SAXO1: variants seen among roughly 807,000 people sequenced by gnomAD.
SAXO1 encodes the protein 4930500O09Rik.
Under a neutral mutation model 17.5 loss-of-function variants are expected in SAXO1, and 21 were observed. The observed-to-expected ratio is 1.20, with a 90% CI of 0.85 to 1.72. The LOEUF (loss-of-function observed/expected upper bound fraction) is 1.72, where lower values mean the gene tolerates loss of function less well. SAXO1 is among the 40% of genes most tolerant of loss of function. SAXO1 has a pLI of 0.00. For missense variants in SAXO1, 843 were observed against 596.0 expected, an observed-to-expected ratio of 1.41 and a Z score of -4.32; for synonymous variants, 274 against 216.5, an observed-to-expected ratio of 1.27 and a Z score of -2.33.
intron 1 of SAXO1, among the ~76,000 whole-genome samples, chr9:18,982,358 C>T (rs768294037): frequency 6.6e-6 from 1 of 152,146 alleles, no homozygotes; most frequent in African/African-American, 2.4e-5. Flanking sequence ...AATAAAATTC[C>T]CTCCCCAGGG....
At chr9:19,033,664 C>T (rs987253915), upstream of SAXO1, among the ~76,000 whole-genome samples, 4 of 152,218 alleles carry the variant, frequency 2.6e-5, no homozygotes, top group Non-Finnish European at 5.9e-5. Context: ...GGTTTAAGAG[C>T]GCCCAGGCCT....
At chr9:19,003,476 C>A (rs550596717) in intron 1 of SAXO1, among the ~76,000 whole-genome samples, 37 of 152,284 alleles carry the variant, frequency 2.4e-4, no homozygotes, top group Admixed American at 2.0e-3. Context: ...AGGCATCATG[C>A]TACCTGACTT....
At chr9:18,994,501 C>A (rs1449589024) in intron 1 of SAXO1, among the ~76,000 whole-genome samples, 1 of 152,108 alleles carries the variant, frequency 6.6e-6, no homozygotes, top group Non-Finnish European at 1.5e-5. Context: ...AGCAGTCACG[C>A]TGCATCTCTC....
At chr9:18,970,446 T>G (rs1367432588) in intron 1 of SAXO1, among the ~76,000 whole-genome samples, 2 of 152,152 alleles carry the variant, frequency 1.3e-5, no homozygotes, top group Non-Finnish European at 2.9e-5. Context: ...GAGGTCAGAT[T>G]AACCCCAAGC....
At chr9:19,028,041 C>G (rs1835581214) in intron 1 of SAXO1, 1 of 1,610,882 alleles carries the variant, frequency 6.2e-7, no homozygotes, top group African/African-American at 1.3e-5. Flanking sequence ...TCGCACTGCG[C>G]AGGGGTGCCA....
At chr9:19,043,470 G>C (rs376885966) in intron 1 of SAXO1, among the ~76,000 whole-genome samples, 41 of 151,604 alleles carry the variant, frequency 2.7e-4, no homozygotes, top group African/African-American at 9.9e-4. Flanking sequence ...GAAAGAAGGA[G>C]TAAGACCTAG....
At chr9:18,938,840 G>GTGTGTGTGTGTGTA in intron 3 of SAXO1, among the ~76,000 whole-genome samples, 1 of 148,230 alleles carries the variant, frequency 6.7e-6, no homozygotes, top group South Asian at 2.1e-4. Context: ...GTGTGTGTGT[G>GTGTGTGTGTGTGTA]TGTGTGTGTG....
chr9:19,040,981 T>C (rs538888794), intron 1 of SAXO1, among the ~76,000 whole-genome samples: 10 of 141,726 alleles, frequency 7.1e-5, no homozygotes, highest in Non-Finnish European at 1.1e-4. Context: ...GGCATCCAAA[T>C]TGGAAAAAAA....
intron 1 of SAXO1, among the ~76,000 whole-genome samples, chr9:18,994,141 G>C (rs1362831045): frequency 6.6e-6 from 1 of 152,238 alleles, no homozygotes; most frequent in East Asian, 1.9e-4. Flanking sequence ...CAAAAATACA[G>C]GAAAAATTCA....
intron 1 of SAXO1, among the ~76,000 whole-genome samples, chr9:19,012,691 G>C (rs1164760835): frequency 3.5e-5 from 5 of 143,010 alleles, no homozygotes; most frequent in Non-Finnish European, 6.2e-5. Context: ...ACTCAGACAA[G>C]CAACCTGTGA....
chr9:19,028,239 A>T, intron 1 of SAXO1: 1 of 801,924 alleles, frequency 1.2e-6, no homozygotes, highest in Non-Finnish European at 2.0e-6. Flanking sequence ...AGCCGGCCGT[A>T]GTGGCGGGCG....
In SAXO1 at chr9:18,928,865, C is replaced by T; in HGVS notation, c.612G>A (p.Val204=). The part of the protein sequence containing the change: ...PKLCNIPLED[V]TNYKMSYVAH... ...CCACATAGCTCATCTTGTAGTTAGT[C>T]ACATCCTCCAAGGGGATGTTACAGA... The change falls in exon 4 of 4, where the codon GTG becomes GTA. Residue 204 remains valine (V), a synonymous_variant. Transcript: ENST00000380534. 1.9e-6 allele frequency: 3 copies of T among 1,614,166 alleles called. No individual in the cohort carries two copies. The highest frequency in any genetic ancestry group is 2.5e-6 in the Non-Finnish European group (3 of 1,180,032).
At position 19,014,093 on chromosome 9, in the gene SAXO1, G is replaced by A. The variant is rs190692544; in HGVS notation, c.38+18778C>T. Among the ~76,000 whole-genome samples the A allele has an allele frequency of 4.6e-5, 7 of 152,204 alleles. No individual in the cohort carries two copies. In the East Asian group the frequency reaches 5.8e-4, roughly 13 times the overall value. On this transcript the variant is annotated intron_variant, in intron 1 of 3. Coordinates refer to ENST00000380534, the MANE Select transcript of SAXO1 (RefSeq NM_153707.4). Reference sequence around the variant, plus strand: ...ACAGGCAGCATGAGGAGGAATGGCTGGAAAGGTAGAGTAGGGGCTTGATTA... The same window carrying A: ...ACAGGCAGCATGAGGAGGAATGGCTAGAAAGGTAGAGTAGGGGCTTGATTA...
chr9:18,956,072 C>A (rs1472859310), intron 1 of SAXO1, among the ~76,000 whole-genome samples: 1 of 151,190 alleles, frequency 6.6e-6, no homozygotes, highest in Non-Finnish European at 1.5e-5. Context: ...TCCTAAGTAG[C>A]TGGGACTACA....
intron 3 of SAXO1, among the ~76,000 whole-genome samples, chr9:18,931,894 A>G (rs766010600): frequency 2.0e-4 from 31 of 152,200 alleles, no homozygotes; most frequent in Non-Finnish European, 3.8e-4. Context: ...AATTCTTTGC[A>G]TGTTCTAAAT....
chr9:18,932,848 G>C (rs1831113757), intron 3 of SAXO1, among the ~76,000 whole-genome samples: 1 of 152,172 alleles, frequency 6.6e-6, no homozygotes, highest in Non-Finnish European at 1.5e-5. Flanking sequence ...CTAGAATACA[G>C]AAACAACTGA....
chr9:19,016,391 G>C (rs1834975690), intron 1 of SAXO1, among the ~76,000 whole-genome samples: 1 of 152,170 alleles, frequency 6.6e-6, no homozygotes, highest in African/African-American at 2.4e-5. Flanking sequence ...AGCCGAGATT[G>C]CGCTACTGCA....
intron 1 of SAXO1, among the ~76,000 whole-genome samples, chr9:19,045,970 C>T (rs532411960): frequency 6.6e-6 from 1 of 151,496 alleles, no homozygotes; most frequent in African/African-American, 2.4e-5. Context: ...GCCTGTAATC[C>T]CAGCTGCTGG....
chr9:18,977,407 A>G (rs994766820), intron 1 of SAXO1, among the ~76,000 whole-genome samples: 1 of 152,168 alleles, frequency 6.6e-6, no homozygotes, highest in Non-Finnish European at 1.5e-5. Flanking sequence ...TTTCATCTTC[A>G]TTACAACCTC....
Sources: allele counts gnomAD v4.1 joint callset (sites outside exome capture counted in the v4.1 genomes callset), GRCh38; gene constraint gnomAD v4.1.1; transcripts MANE v1.5; gene names NCBI Gene and HGNC (gene_info 2026-07-23, HGNC 2026-07-21).